The following MYO9B variants were observed in gnomAD, a reference collection of about 807,000 sequenced individuals.
MYO9B encodes unconventional myosin-IXb.
MYO9B carries 71 observed loss-of-function variants against 229.5 expected under a neutral mutation model. That is an observed-to-expected ratio of 0.31 (90% CI 0.26 to 0.38). MYO9B has a LOEUF of 0.38. Among genes scored for constraint, MYO9B ranks in the 10% least tolerant of loss-of-function variants. The pLI, the probability that MYO9B is intolerant of heterozygous loss-of-function variation, is 1.00. For missense variants in MYO9B, 2,255 were observed against 2,920.5 expected, an observed-to-expected ratio of 0.77 and a Z score of 5.25; for synonymous variants, 1,185 against 1,235.8, an observed-to-expected ratio of 0.96 and a Z score of 0.86.
At chr19:17,160,165 T>C (rs1461133970) in intron 8 of MYO9B, among the ~76,000 whole-genome samples, 1 of 152,128 alleles carries the variant, frequency 6.6e-6, no homozygotes, top group Admixed American at 6.6e-5. Flanking sequence ...ACGGCAGGGA[T>C]TTTTAGCCCC....
rs190973933 is a variant in MYO9B, at chr19:17,154,995, G to A, written c.1199+580G>A. On this transcript the variant is annotated intron_variant, in intron 6 of 39. Coordinates refer to ENST00000682292, the MANE Select transcript of MYO9B (RefSeq NM_004145.4). ...TCAAAAAAAAAAGAATGCTGGGTAC[G>A]GTTGTTCACACATGTAATCACAGTG... Among the ~76,000 whole-genome samples the A allele has an allele frequency of 3.8e-3, 573 of 151,934 alleles. 12 individuals carry two copies. Among genetic ancestry groups the A allele is most frequent in the Admixed American group, 0.034 (522 of 15,208 alleles).
intron 22 of MYO9B, among the ~76,000 whole-genome samples, chr19:17,196,598 G>C (rs1370062521): frequency 6.6e-6 from 1 of 151,514 alleles, no homozygotes; most frequent in Non-Finnish European, 1.5e-5. Context: ...CAGGAGAATC[G>C]CTTGAACCTG....
chr19:17,164,385 CTT>C (rs11387142), intron 10 of MYO9B, among the ~76,000 whole-genome samples: 4 of 145,716 alleles, frequency 2.7e-5, no homozygotes, highest in Non-Finnish European at 4.5e-5. Flanking sequence ...TCTGACGTGT[CTT>C]TTTTTTTTTT....
chr19:17,155,889 G>A (rs995777522), intron 6 of MYO9B, among the ~76,000 whole-genome samples: 11 of 151,980 alleles, frequency 7.2e-5, no homozygotes, highest in Non-Finnish European at 1.0e-4. Flanking sequence ...GCATGATGGT[G>A]CACGCCTGTA....
chr19:17,188,636 A>G (rs4808586), intron 19 of MYO9B, among the ~76,000 whole-genome samples: 80,923 of 151,932 alleles, frequency 0.53, 23,375 homozygotes, highest in East Asian at 0.74. Flanking sequence ...GGATAAGAAA[A>G]GCAAAATTAT....
At chr19:17,137,630 G>A (rs948837964) in intron 2 of MYO9B, among the ~76,000 whole-genome samples, 7 of 152,274 alleles carry the variant, frequency 4.6e-5, no homozygotes, top group Non-Finnish European at 7.4e-5. Flanking sequence ...TCCTTGAGTA[G>A]TGTGACCCGC....
Position 17,185,242 on chromosome 19 carries a change from C to T in MYO9B, c.2496+255C>T, listed in dbSNP as rs191573950. Among the ~76,000 whole-genome samples, 2,086 of 151,826 alleles carry T rather than the reference C, an allele frequency of 0.014. 45 individuals are homozygous for T. The highest frequency in any genetic ancestry group is 0.048 in the African/African-American group (2,006 of 41,438). On this transcript the variant is annotated intron_variant, in intron 17 of 39. Coordinates refer to ENST00000682292, the MANE Select transcript of MYO9B (RefSeq NM_004145.4). Reference sequence around the variant, plus strand: ...TACAAAAATTAGCCGGGCGTAGTGGCGGGTGCCTGTAGTCCCAGCTACTCG... The same window carrying T: ...TACAAAAATTAGCCGGGCGTAGTGGTGGGTGCCTGTAGTCCCAGCTACTCG...
intron 1 of MYO9B, among the ~76,000 whole-genome samples, chr19:17,084,895 A>T (rs2057568233): frequency 1.3e-5 from 2 of 151,760 alleles, no homozygotes; most frequent in African/African-American, 2.4e-5. Flanking sequence ...ACAGAGCAAG[A>T]CTCTGTCTCA....
intron 2 of MYO9B, among the ~76,000 whole-genome samples, chr19:17,144,519 C>G (rs892800519): frequency 6.6e-6 from 1 of 151,726 alleles, no homozygotes; most frequent in Non-Finnish European, 1.5e-5. Context: ...ATCGCTTCAG[C>G]CTGGGAGGCA....
intron 1 of MYO9B, among the ~76,000 whole-genome samples, chr19:17,076,091 T>TC (rs1461922532): frequency 2.3e-5 from 3 of 129,816 alleles, no homozygotes; most frequent in Non-Finnish European, 4.9e-5. Flanking sequence ...GTGAGGGAGT[T>TC]CGAGGGCGTG....
intron 2 of MYO9B, among the ~76,000 whole-genome samples, chr19:17,140,236 A>C (rs1179927325): frequency 1.3e-5 from 2 of 152,150 alleles, no homozygotes; most frequent in East Asian, 3.9e-4. Flanking sequence ...TGGCTGAAAC[A>C]ACAAATATAT....
intron 35 of MYO9B, chr19:17,207,829 G>A (rs2073179497): frequency 6.6e-6 from 1 of 152,104 alleles, no homozygotes; most frequent in Non-Finnish European, 1.5e-5. Flanking sequence ...TGACCAACAT[G>A]GAGAAATCCT....
chr19:17,175,578 C>A, intron 13 of MYO9B, 85 bp from the exon 14 acceptor site: 3 of 1,130,814 alleles, frequency 2.7e-6, no homozygotes, highest in East Asian at 2.8e-5. Flanking sequence ...GACTCCATCT[C>A]AAATAAATAA....
rs2073238063 is a variant in MYO9B, at chr19:17,212,131, C to A, written c.6295C>A (p.Pro2099Thr). 2 of 1,588,794 alleles carry A rather than the reference C, an allele frequency of 1.3e-6. No individual in the cohort carries two copies. Among genetic ancestry groups the A allele is most frequent in the South Asian group, 2.3e-5 (2 of 88,474 alleles). Residue 2099 changes from proline to threonine, a missense_variant, in exon 40 of 40, where the codon CCA becomes ACA. Coordinates refer to ENST00000682292, the MANE Select transcript of MYO9B (RefSeq NM_004145.4). The surrounding 1 kb of genome is among the most constrained non-coding windows in gnomAD (Gnocchi z 5.4). Reference protein sequence around the residue: ...EAAAPVRRREPPARRPDQIHS... With the variant: ...EAAAPVRRRETPARRPDQIHS... ...GGCTGCCCCAGTGCGGCGCCGGGAG[C>A]CACCTGCCCGCCGCCCGGACCAGAT...
intron 10 of MYO9B, 78 bp downstream of exon 10, chr19:17,163,200 T>A: frequency 6.9e-7 from 1 of 1,457,580 alleles, no homozygotes; most frequent in Non-Finnish European, 9.3e-7. Flanking sequence ...CTTAACCATT[T>A]GTAAATATTC....
chr19:17,124,848 A>G (rs2058000373), intron 2 of MYO9B, among the ~76,000 whole-genome samples: 1 of 151,958 alleles, frequency 6.6e-6, no homozygotes, highest in African/African-American at 2.4e-5. Context: ...ATCAGAATCC[A>G]TGGGCTATAT....
chr19:17,211,194 T>C (rs926580384), intron 38 of MYO9B, among the ~76,000 whole-genome samples: 4 of 152,042 alleles, frequency 2.6e-5, no homozygotes, highest in Non-Finnish European at 5.9e-5. Flanking sequence ...TTGGCCAGGC[T>C]GGTCTTGAAC....
rs534528766 is a variant in MYO9B at position 17,175,824 on chromosome 19, CTTTTT to C, written c.2219+99_2219+103del. The C allele has an allele frequency of 6.0e-3, 2,958 of 496,516 alleles. 1 individual carries two copies. The highest frequency in any genetic ancestry group is 0.013 in the East Asian group (272 of 21,360). 30.8% of individuals were successfully genotyped at this position (496,516 alleles called of 1,614,324 possible). ...CAAACAACTTAGGGAATGCTACATT[CTTTTT>C]TTTTTTTTTTTTTTTCTTTTGAGAT... On this transcript the variant is annotated intron_variant, in intron 14 of 39. Coordinates refer to ENST00000682292, the MANE Select transcript of MYO9B (RefSeq NM_004145.4).
intron 3 of MYO9B, 22 bp from the exon 4 acceptor site, chr19:17,152,622 T>C (rs2072491170): frequency 1.3e-6 from 2 of 1,599,168 alleles, no homozygotes; most frequent in Non-Finnish European, 1.7e-6. Context: ...TTTTATTCTT[T>C]CTGTTTTTCT....
Sources: allele counts gnomAD v4.1 joint callset (sites outside exome capture counted in the v4.1 genomes callset), GRCh38; gene constraint gnomAD v4.1.1; non-coding constraint Gnocchi (gnomAD v3.1); transcripts MANE v1.5; gene names NCBI Gene and HGNC (gene_info 2026-07-23, HGNC 2026-07-21).